The following TRMT2B variants were observed in gnomAD, a reference collection of about 807,000 sequenced individuals.
TRMT2B encodes tRNA (uracil-5-)-methyltransferase homolog B.
In TRMT2B, 34 loss-of-function variants were observed where a neutral mutation model predicts 39.7. That is an observed-to-expected ratio of 0.86 (90% CI 0.65 to 1.14). TRMT2B has a LOEUF of 1.14. Ranked by LOEUF, TRMT2B falls within the 50% of genes most tolerant of loss-of-function variation. The pLI, the probability that TRMT2B is intolerant of heterozygous loss-of-function variation, is 0.00. For missense variants in TRMT2B, 318 were observed against 377.2 expected, an observed-to-expected ratio of 0.84 and a Z score of 1.30; for synonymous variants, 132 against 137.3, an observed-to-expected ratio of 0.96 and a Z score of 0.27.
the TRMT2B span, among the ~76,000 whole-genome samples, chrX:100,974,617 T>C: frequency 2.7e-5 from 3 of 111,577 alleles, no homozygotes; most frequent in South Asian, 3.7e-4. Context: ...GAGACAAGTG[T>C]GGGATGATAA....
chrX:100,974,178 T>TGTGGAGGCATTCCAAAAATGTAAGGAA, the TRMT2B span: 1 of 1,190,120 alleles, frequency 8.4e-7, no homozygotes. Flanking sequence ...AAACTGTTCT[T>TGTGGAGGCATTCCAAAAATGTAAGGAA]GTGGAGGCAT....
downstream of TRMT2B, among the ~76,000 whole-genome samples, chrX:101,008,733 A>G (rs949366485): frequency 3.6e-5 from 4 of 111,959 alleles, no homozygotes; most frequent in Admixed American, 2.9e-4. Context: ...AAACTAACCA[A>G]TTCAGAGCTA....
chrX:101,003,348 CTTT>C, the TRMT2B span, among the ~76,000 whole-genome samples: 2 of 97,756 alleles, frequency 2.0e-5, no homozygotes, highest in Admixed American at 1.2e-4. Flanking sequence ...CATCCGATAG[CTTT>C]TTTTTTTTTT....
chrX:101,037,350 T>A, intron 5 of TRMT2B: 1 of 303,311 alleles, frequency 3.3e-6, no homozygotes, highest in Non-Finnish European at 5.8e-6. Flanking sequence ...CTGTTGCAAC[T>A]ACTCAACTCT....
At chrX:101,035,271 A>G (rs2087765843) in intron 7 of TRMT2B, among the ~76,000 whole-genome samples, 1 of 111,619 alleles carries the variant, frequency 9.0e-6, no homozygotes, top group Non-Finnish European at 1.9e-5. Context: ...CATATTCCTC[A>G]ATTCTGTTCT....
At chrX:101,041,967 A>G in intron 3 of TRMT2B, 75 bp downstream of exon 3, 1 of 1,139,049 alleles carries the variant, frequency 8.8e-7, no homozygotes, top group Non-Finnish European at 1.2e-6. Context: ...CATTAGTTAC[A>G]CTAGGAATAC....
At chrX:100,993,542 T>C in the TRMT2B span, among the ~76,000 whole-genome samples, 3 of 111,572 alleles carry the variant, frequency 2.7e-5, no homozygotes, top group African/African-American at 9.8e-5. Context: ...AGAAAGTGGA[T>C]GGGAAAAAGG....
In TRMT2B at chrX:101,036,957, T is replaced by A. The variant is rs750688513; in HGVS notation, c.538+17A>T. The A allele has an allele frequency of 1.7e-6, 2 of 1,165,843 alleles. No individual in the cohort carries two copies. The highest frequency in any genetic ancestry group is 2.3e-6 in the Non-Finnish European group (2 of 854,995). The stretch of plus-strand genomic sequence containing the variant: ...TCATTCCTCTTCAGTCTTTGGTTTA[T>A]ACAACCTTCAACTGACCTCTCCAAG... On this transcript the variant is annotated intron_variant, in intron 6 of 13. Coordinates refer to ENST00000372936, the MANE Select transcript of TRMT2B (RefSeq NM_024917.6).
chrX:101,026,475 CAAA>C (rs55926567), intron 7 of TRMT2B, among the ~76,000 whole-genome samples: 1 of 64,135 alleles, frequency 1.6e-5, no homozygotes, highest in African/African-American at 5.7e-5. Flanking sequence ...AACTCCGTCT[CAAA>C]AAAAAAAAAA....
chrX:101,051,085 A>C (rs959603597), intron 2 of TRMT2B, among the ~76,000 whole-genome samples, 166 bp downstream of exon 2: 3 of 71,337 alleles, frequency 4.2e-5, no homozygotes, highest in Admixed American at 1.4e-4. Context: ...TTTCCTCAGC[A>C]AAAAAAAAAA....
chrX:101,029,610 C>A (rs1408840238), intron 7 of TRMT2B, among the ~76,000 whole-genome samples: 2 of 111,517 alleles, frequency 1.8e-5, no homozygotes, highest in African/African-American at 6.5e-5. Context: ...AACTTATTTT[C>A]TTCATTACTG....
downstream of TRMT2B, among the ~76,000 whole-genome samples, chrX:101,006,806 A>AG (rs1184915918): frequency 9.1e-6 from 1 of 110,098 alleles, no homozygotes; most frequent in African/African-American, 3.3e-5. Flanking sequence ...CTGTCTTAAA[A>AG]AAAAAAATTA....
chrX:101,041,489 G>A (rs946722182), intron 3 of TRMT2B, 118 bp from the exon 4 acceptor site: 7 of 641,991 alleles, frequency 1.1e-5, no homozygotes, highest in Non-Finnish European at 1.7e-5. Context: ...TGGAGTCTGG[G>A]AGAAGAGCCC....
downstream of TRMT2B, among the ~76,000 whole-genome samples, chrX:101,006,660 A>G (rs1046188166): frequency 9.1e-6 from 1 of 110,152 alleles, no homozygotes; most frequent in African/African-American, 3.3e-5. Context: ...AAAAATAGCC[A>G]GGCATGGTAG....
At chrX:100,985,778 C>T in the TRMT2B span, 5 of 1,211,630 alleles carry the variant, frequency 4.1e-6, no homozygotes, top group Non-Finnish European at 5.6e-6. Context: ...GGCCGGGAAG[C>T]ATGGCCAAAC....
At position 101,019,050 on chromosome X, in the gene TRMT2B, T is replaced by C. The variant is rs760464973; in HGVS notation, c.1309A>G (p.Ile437Val). 8.3e-7 allele frequency: 1 copy of C among 1,204,006 alleles called. No individual in the cohort carries two copies. Among genetic ancestry groups the C allele is most frequent in the Non-Finnish European group, 1.1e-6 (1 of 888,372 alleles). ...GTGTGGATGGCCCTGAAGTTTCGAA[T>C]GGCTTGAATCACCTTGTAATCTGAA... is the stretch of plus-strand genomic sequence containing the variant. ...AGLHYKVIQA[I>V]RNFRAIHTLV... Residue 437 changes from isoleucine (I) to valine (V), a missense_variant, in exon 13 of 14, where the codon ATT becomes GTT. Physicochemically the swap from Ile to Val is conservative, Grantham distance 29. Coordinates refer to ENST00000372936, the MANE Select transcript of TRMT2B (RefSeq NM_024917.6).
In TRMT2B at chrX:101,036,848, G is replaced by A. The variant is rs888802292; in HGVS notation, c.538+126C>T. ...TATCCGTAATCAACCTTGTGATCAC[G>A]TTCTGCATCAAAGACTTCCAATTTA... is the stretch of plus-strand genomic sequence containing the variant. On this transcript the variant is annotated intron_variant, in intron 6 of 13. Transcript: ENST00000372936. 29 of 514,425 alleles carry A rather than the reference G, an allele frequency of 5.6e-5. 1 individual carries two copies. The Admixed American group carries it at 6.6e-4, about 12-fold the overall frequency. 42.4% of individuals were successfully genotyped at this position (514,425 alleles called of 1,213,427 possible).
intron 2 of TRMT2B, among the ~76,000 whole-genome samples, chrX:101,045,640 C>CAAAA (rs36072538): frequency 4.9e-5 from 4 of 82,166 alleles, no homozygotes; most frequent in African/African-American, 9.7e-5. Flanking sequence ...AACAAACAAA[C>CAAAA]AAAAAAAATT....
chrX:100,999,330 G>A, the TRMT2B span, among the ~76,000 whole-genome samples: 1 of 112,584 alleles, frequency 8.9e-6, no homozygotes, highest in Non-Finnish European at 1.9e-5. Flanking sequence ...TTGTCCTTTT[G>A]CACTAACATT....
Sources: allele counts gnomAD v4.1 joint callset (sites outside exome capture counted in the v4.1 genomes callset), GRCh38; gene constraint gnomAD v4.1.1; transcripts MANE v1.5; gene names NCBI Gene and HGNC (gene_info 2026-07-23, HGNC 2026-07-21).